The following MYRIP variants were observed in gnomAD, a reference collection of about 807,000 sequenced individuals.
The protein encoded by MYRIP is rab effector MyRIP.
Under a neutral mutation model 98.0 loss-of-function variants are expected in MYRIP, and 49 were observed. That is an observed-to-expected ratio of 0.50 (90% CI 0.40 to 0.63). The LOEUF (loss-of-function observed/expected upper bound fraction) is 0.63, where lower values mean the gene tolerates loss of function less well. Among genes scored for constraint, MYRIP ranks in the 30% least tolerant of loss-of-function variants. The probability of loss-of-function intolerance (pLI) is 0.00; values close to 1 mark genes in which losing one functional copy is unlikely to be tolerated. For synonymous variants in MYRIP, 404 were observed against 409.5 expected (o/e 0.99, Z 0.16); for missense variants, 1,004 against 1,058.2 (o/e 0.95, Z 0.71).
At chr3:40,150,404 T>C (rs1036869232) in intron 3 of MYRIP, among the ~76,000 whole-genome samples, 1 of 152,242 alleles carries the variant, frequency 6.6e-6, no homozygotes, top group African/African-American at 2.4e-5. Context: ...ATCTTGCCAA[T>C]GTTTTGTACC....
intron 1 of MYRIP, among the ~76,000 whole-genome samples, chr3:39,873,599 T>C (rs1428324818): frequency 2.0e-5 from 3 of 152,112 alleles, no homozygotes; most frequent in Admixed American, 1.3e-4. Context: ...ATAGGGAATC[T>C]TTTCCCCATT....
chr3:40,172,086 C>T (rs1286699066), intron 8 of MYRIP, among the ~76,000 whole-genome samples: 5 of 152,222 alleles, frequency 3.3e-5, no homozygotes, highest in African/African-American at 1.2e-4. Context: ...ATTATGGAAG[C>T]CACAATTCAA....
chr3:40,193,892 T>C (rs1330384689), intron 10 of MYRIP, among the ~76,000 whole-genome samples: 1 of 2,606 alleles, frequency 3.8e-4, no homozygotes, highest in Non-Finnish European at 1.9e-3. Flanking sequence ...CATTTATACT[T>C]TTTTTATCTG....
At chr3:40,083,597 A>G (rs1948528031) in intron 3 of MYRIP, among the ~76,000 whole-genome samples, 1 of 152,228 alleles carries the variant, frequency 6.6e-6, no homozygotes, top group Non-Finnish European at 1.5e-5. Context: ...AAAAGCAAAT[A>G]CATCCAGATC....
chr3:39,941,969 G>A (rs1003889259), intron 2 of MYRIP, among the ~76,000 whole-genome samples: 12 of 152,114 alleles, frequency 7.9e-5, no homozygotes, highest in Non-Finnish European at 2.9e-5. Flanking sequence ...TTGCTCACTG[G>A]AGAAACATAT....
rs148359581 is a variant in MYRIP at position 39,994,340 on chromosome 3, T to G, written c.111-49710T>G. Among the ~76,000 whole-genome samples the G allele has an allele frequency of 9.3e-3, 1,422 of 152,346 alleles. 23 individuals carry two copies. The highest frequency in any genetic ancestry group is 0.031 in the African/African-American group (1,309 of 41,584). Reference sequence around the variant, plus strand: ...CTGGAAAATCAGGTCACTCCCACCCTAATACTGCGCTTTTCCTATGGTCTT... The same window carrying G: ...CTGGAAAATCAGGTCACTCCCACCCGAATACTGCGCTTTTCCTATGGTCTT... On this transcript the variant is annotated intron_variant, in intron 2 of 16. Coordinates refer to ENST00000302541, the MANE Select transcript of MYRIP (RefSeq NM_015460.4).
chr3:39,992,924 C>T (rs1034438776), intron 2 of MYRIP, among the ~76,000 whole-genome samples: 22 of 152,094 alleles, frequency 1.4e-4, no homozygotes, highest in Admixed American at 5.9e-4. Context: ...TGTCAGGGAC[C>T]CCTTCTTGTT....
chr3:39,816,971 A>G (rs13063109), intron 1 of MYRIP, among the ~76,000 whole-genome samples: 38,626 of 152,110 alleles, frequency 0.25, 5,197 homozygotes, highest in Middle Eastern at 0.33. Flanking sequence ...TGAATTGCCC[A>G]CTTATATGTA....
At chr3:39,893,310 G>T (rs1047427545) in intron 1 of MYRIP, among the ~76,000 whole-genome samples, 1 of 152,040 alleles carries the variant, frequency 6.6e-6, no homozygotes, top group Non-Finnish European at 1.5e-5. Flanking sequence ...GATTCTTGAA[G>T]CATAATAGGA....
In MYRIP at chr3:40,100,524, T is replaced by C. The variant is rs79282274; in HGVS notation, c.333-50524T>C. 2.2e-3 allele frequency among the ~76,000 whole-genome samples: 341 copies of C among 152,360 alleles called. 3 individuals are homozygous for C. The highest frequency in any genetic ancestry group is 3.7e-3 in the Non-Finnish European group (253 of 68,038). On this transcript the variant is annotated intron_variant, in intron 3 of 16. Transcript: ENST00000302541. Reference sequence around the variant, plus strand: ...GGTGGAAAAAGTATTTCTCCTCTCCTTATTGACTGCTTTACAAAAACAGGT... The same window carrying C: ...GGTGGAAAAAGTATTTCTCCTCTCCCTATTGACTGCTTTACAAAAACAGGT...
chr3:40,239,024 A>G (rs1234635822), intron 12 of MYRIP, among the ~76,000 whole-genome samples: 1 of 150,786 alleles, frequency 6.6e-6, no homozygotes, highest in Non-Finnish European at 1.5e-5. Flanking sequence ...GTCATCTAGC[A>G]TTAGGTATAT....
At chr3:39,924,985 C>G (rs930306742) in intron 2 of MYRIP, among the ~76,000 whole-genome samples, 2 of 151,538 alleles carry the variant, frequency 1.3e-5, no homozygotes, top group African/African-American at 4.8e-5. Context: ...ATTTATAGTA[C>G]TAAATGCATA....
intron 1 of MYRIP, among the ~76,000 whole-genome samples, chr3:39,819,386 G>C (rs1311826709): frequency 1.3e-5 from 2 of 152,078 alleles, no homozygotes; most frequent in Non-Finnish European, 2.9e-5. Flanking sequence ...AAACTGGTAA[G>C]AGTTTAAATG....
chr3:40,029,241 G>A (rs187132120), intron 2 of MYRIP, among the ~76,000 whole-genome samples: 188 of 152,180 alleles, frequency 1.2e-3, no homozygotes, highest in Middle Eastern at 3.4e-3. Context: ...TTCCTTCCTT[G>A]GAAATATCAC....
chr3:40,199,918 C>A (rs546205684), intron 10 of MYRIP, among the ~76,000 whole-genome samples: 107 of 151,878 alleles, frequency 7.0e-4, no homozygotes, highest in Non-Finnish European at 1.2e-3. Context: ...ACGTCCACAG[C>A]AGCCCAGCAA....
intron 2 of MYRIP, among the ~76,000 whole-genome samples, chr3:40,006,935 C>A (rs1425136103): frequency 6.6e-6 from 1 of 152,042 alleles, no homozygotes; most frequent in African/African-American, 2.4e-5. Context: ...ATCATGGGAC[C>A]ATAGTCTTGA....
chr3:40,253,915 G>A (rs950553451), intron 16 of MYRIP, among the ~76,000 whole-genome samples: 2 of 152,108 alleles, frequency 1.3e-5, no homozygotes, highest in Non-Finnish European at 2.9e-5. Flanking sequence ...TATGTAAATG[G>A]AAGATTAAGG....
chr3:39,955,658 A>C (rs987898020), intron 2 of MYRIP, among the ~76,000 whole-genome samples: 2 of 152,216 alleles, frequency 1.3e-5, no homozygotes, highest in Non-Finnish European at 2.9e-5. Context: ...TAATGACAGG[A>C]CCAAATTCAC....
At chr3:39,978,039 T>A (rs1393206124) in intron 2 of MYRIP, among the ~76,000 whole-genome samples, 2 of 152,116 alleles carry the variant, frequency 1.3e-5, no homozygotes, top group Non-Finnish European at 2.9e-5. Flanking sequence ...AACCCTCATC[T>A]CAACAGGACA....
Sources: gnomAD v4.1 joint callset for allele counts (sites outside exome capture counted in the v4.1 genomes callset) on GRCh38, gnomAD v4.1.1 for gene constraint, MANE v1.5 for transcripts, NCBI Gene and HGNC (gene_info 2026-07-23, HGNC 2026-07-21) for gene names.